Variants in MAP3K11 observed in about 807,000 individuals in gnomAD.
MAP3K11 encodes SH3 domain-containing proline-rich kinase.
MAP3K11 carries 46 observed loss-of-function variants against 84.9 expected under a neutral mutation model. That is an observed-to-expected ratio of 0.54 (90% confidence interval 0.43 to 0.69). The LOEUF (loss-of-function observed/expected upper bound fraction) is 0.69. Among genes scored for constraint, MAP3K11 ranks in the 30% least tolerant of loss-of-function variants. The pLI is 0.00. For synonymous variants in MAP3K11, 527 were observed against 514.7 expected, an observed-to-expected ratio of 1.02 and a Z score of -0.32; for missense variants, 1,053 against 1,198.3, an observed-to-expected ratio of 0.88 and a Z score of 1.79.
At chr11:65,612,828 G>T in intron 1 of MAP3K11, 190 bp downstream of exon 1, 1 of 514,238 alleles carries the variant, frequency 1.9e-6, no homozygotes, top group Non-Finnish European at 3.1e-6. Flanking sequence ...AGCTGGCGCA[G>T]GAAGACTCTG....
rs1590860821 is a variant in MAP3K11 at position 65,614,167 on chromosome 11, T to C, written c.-411A>G. The C allele has an allele frequency of 1.6e-5, 3 of 182,928 alleles. No individual in the cohort carries two copies. The South Asian group carries it at 4.0e-4, about 25-fold the overall frequency. The allele number at this position is 182,928 out of a possible 1,614,324, so 11.3% of individuals were successfully genotyped here. A position where few individuals can be genotyped will look rare whatever the true frequency, so the allele number is the denominator to read the frequency against. ...AGGGGGTGGAGGGAGCGTCCGCAGTTGGGCCGAGACTGCCTGTTCCTGGCC... is the reference window on the plus strand; with the variant it reads ...AGGGGGTGGAGGGAGCGTCCGCAGTCGGGCCGAGACTGCCTGTTCCTGGCC... On this transcript the variant is annotated 5_prime_UTR_variant, in exon 1 of 10. Coordinates refer to ENST00000309100, the MANE Select transcript of MAP3K11 (RefSeq NM_002419.4).
chr11:65,607,954 G>T lies in MAP3K11; in HGVS notation c.1037C>A (p.Thr346Asn), dbSNP rs141071251. 12 of 1,614,192 alleles carry T rather than the reference G, an allele frequency of 7.4e-6. No individual in the cohort carries two copies. The highest frequency in any genetic ancestry group is 9.3e-6 in the Non-Finnish European group (11 of 1,180,032). Residue 346 changes from threonine to asparagine, a missense_variant, in exon 3 of 10, where the codon ACC (threonine) becomes AAC (asparagine). Thr to Asn is a moderately conservative substitution (Grantham distance 65). Around this residue, in one of 3 missense-constraint regions of MAP3K11, gnomAD observed 310 missense variants for 464.5 expected, o/e 0.67. Transcript: ENST00000309100. The stretch of plus-strand genomic sequence containing the variant: ...AAGCTGTGCGAAGGGCTCGGGGCAG[G>T]TGGATGGGATGGGCAGTGTGAGCTT... ...VNKLTLPIPSTCPEPFAQLMA... is the reference protein window; with the variant it reads ...VNKLTLPIPSNCPEPFAQLMA...
chr11:65,605,517 G>A (rs2135368081), intron 8 of MAP3K11: 1 of 434,942 alleles, frequency 2.3e-6, no homozygotes. Context: ...CCAGGTCTGA[G>A]CAAGGGGATG....
Position 65,613,766 on chromosome 11 carries a change from C to T in MAP3K11, c.-10G>A. 1 of 1,535,414 alleles carries T rather than the reference C, an allele frequency of 6.5e-7. No individual in the cohort carries two copies. Among genetic ancestry groups the T allele is most frequent in the Non-Finnish European group, 8.7e-7 (1 of 1,144,220 alleles). The stretch of plus-strand genomic sequence containing the variant: ...TCTTCAAGGGCTCCATGGCCGGGAG[C>T]CGGCGCTGGGATGTGTGGAGGACCT... On this transcript the variant is annotated 5_prime_UTR_variant, in exon 1 of 10. Transcript: ENST00000309100.
chr11:65,598,383 C>A lies in MAP3K11; in HGVS notation c.2452G>T (p.Ala818Ser). Residue 818 changes from alanine (A) to serine (S), a missense_variant, in exon 10 of 10, where the codon GCC becomes TCC. Around this residue, in one of 3 missense-constraint regions of MAP3K11, gnomAD observed 583 missense variants for 566.6 expected, o/e 1.03. Transcript: ENST00000309100. The stretch of plus-strand genomic sequence containing the variant: ...TGGGGGCCCCCCTGGAAGGGGTTGG[C>A]AGGTGGGGAGTCCCAGAAGGGGTCT... ...DSDPFWDSPP[A>S]NPFQGGPQDC... is the part of the protein sequence containing the mutation. 6.4e-7 allele frequency: 1 copy of A among 1,558,094 alleles called. No homozygotes were observed. The highest frequency in any genetic ancestry group is 8.7e-7 in the Non-Finnish European group (1 of 1,148,374).
Position 65,613,934 on chromosome 11 carries a change from G to A in MAP3K11, c.-178C>T. ...GTTGTCTCCCGGCCCCCCGCATCTC[G>A]GGCTTCTGGAGGAGGGCACCCAGGG... On this transcript the variant is annotated 5_prime_UTR_variant, in exon 1 of 10. Coordinates refer to ENST00000309100, the MANE Select transcript of MAP3K11 (RefSeq NM_002419.4). The A allele has an allele frequency of 3.8e-6, 3 of 799,540 alleles. No individual in the cohort carries two copies. Among genetic ancestry groups the A allele is most frequent in the Non-Finnish European group, 1.9e-6 (1 of 527,788 alleles). The allele number at this position is 799,540 out of a possible 1,614,324, so 49.5% of individuals were successfully genotyped here. A position where few individuals can be genotyped will look rare whatever the true frequency, so the allele number is the denominator to read the frequency against.
rs1046931805 is a variant in MAP3K11, at chr11:65,607,914, C to T, written c.1069+8G>A. ...TCTGTACCTCACCTGCCCTCCCCGT[C>T]CTCTTACCGGCCATAAGCTGTGCGA... is the stretch of plus-strand genomic sequence containing the variant. On this transcript the variant is annotated splice_region_variant and intron_variant, in intron 3 of 9. Coordinates refer to ENST00000309100, the MANE Select transcript of MAP3K11 (RefSeq NM_002419.4). 6.2e-7 allele frequency: 1 copy of T among 1,612,960 alleles called. No homozygotes were observed. Among genetic ancestry groups the T allele is most frequent in the African/African-American group, 1.3e-5 (1 of 74,892 alleles).
rs755558681 is a variant in MAP3K11 at position 65,613,138 on chromosome 11, C to A, written c.619G>T (p.Gly207Trp). Reference sequence around the variant, plus strand: ...AGCACATGGGGAGGCACGCGCCGCCCGGCCAGAGCTCGGCTGAGGGGCCCA... The same window carrying A: ...AGCACATGGGGAGGCACGCGCCGCCAGGCCAGAGCTCGGCTGAGGGGCCCA... Reference protein sequence around the residue: ...AGGPLSRALAGRRVPPHVLVN... With the variant: ...AGGPLSRALAWRRVPPHVLVN... Residue 207 changes from glycine to tryptophan, a missense_variant, in exon 1 of 10, where the codon GGG (glycine) becomes TGG (tryptophan). Coordinates refer to ENST00000309100, the MANE Select transcript of MAP3K11 (RefSeq NM_002419.4). 6.3e-7 allele frequency: 1 copy of A among 1,590,380 alleles called. No homozygotes were observed. The highest frequency in any genetic ancestry group is 1.3e-5 in the African/African-American group (1 of 74,684).
Position 65,613,698 on chromosome 11 carries a change from C to T in MAP3K11, c.59G>A (p.Gly20Asp). The change falls in exon 1 of 10, where the codon GGC becomes GAC. Residue 20 changes from glycine to aspartate, a missense_variant. Transcript: ENST00000309100. Reference sequence around the variant, plus strand: ...TCCACCGCCCCCACCACCCCCGCTGCCACTGCCATTCCATGACCCTAGAGG... The same window carrying T: ...TCCACCGCCCCCACCACCCCCGCTGTCACTGCCATTCCATGACCCTAGAGG... The part of the protein sequence containing the change: ...KSPLGSWNGS[G>D]SGGGGGGGGG... 3 of 1,607,894 alleles carry T rather than the reference C, an allele frequency of 1.9e-6. No homozygotes were observed. The highest frequency in any genetic ancestry group is 1.8e-4 in the Middle Eastern group (1 of 5,694).
At chr11:65,608,867 C>T (rs775703369) in intron 1 of MAP3K11, 9 of 168,148 alleles carry the variant, frequency 5.4e-5, no homozygotes, top group Admixed American at 1.2e-4. Context: ...CTGCCCGCCT[C>T]GGCCTCCCAA....
rs11227238 is a variant in MAP3K11, at chr11:65,606,347, A to G, written c.1604-266T>C. On this transcript the variant is annotated intron_variant, in intron 6 of 9. Coordinates refer to ENST00000309100, the MANE Select transcript of MAP3K11 (RefSeq NM_002419.4). ...GCCTGAGTTTGATTCTGGCTCTTCC[A>G]CTTATTAACTGTGTAACAAGTTACT... 5.7e-3 allele frequency: 2,559 copies of G among 449,364 alleles called. 125 individuals carry two copies. The East Asian group carries it at 0.084, about 15-fold the overall frequency. 27.8% of individuals were successfully genotyped at this position (449,364 alleles called of 1,614,324 possible).
Position 65,613,559 on chromosome 11 carries a change from G to A in MAP3K11, c.198C>T (p.Asp66=), listed in dbSNP as rs762110211. ...CGTCCCGGGACAGCACCTCCACACG[G>A]TCACCCTTCCTCAGGGCCAGCTCAT... ...GQDELALRKG[D]RVEVLSRDAA... Residue 66 remains aspartate (D), a synonymous_variant, in exon 1 of 10, where the codon GAC becomes GAT. Coordinates refer to ENST00000309100, the MANE Select transcript of MAP3K11 (RefSeq NM_002419.4). The A allele has an allele frequency of 6.2e-7, 1 of 1,612,148 alleles. No individual in the cohort carries two copies. The highest frequency in any genetic ancestry group is 8.5e-7 in the Non-Finnish European group (1 of 1,179,288).
chr11:65,611,344 T>G (rs1383113058), intron 1 of MAP3K11: 1 of 152,112 alleles, frequency 6.6e-6, no homozygotes, highest in African/African-American at 2.4e-5. Context: ...AGGCCCCCAT[T>G]GTCCAGGAAA....
Position 65,613,022 on chromosome 11 carries a change from G to T in MAP3K11, c.735C>A (p.Asn245Lys). 6.6e-7 allele frequency: 1 copy of T among 1,522,444 alleles called. No homozygotes were observed. The highest frequency in any genetic ancestry group is 8.8e-7 in the Non-Finnish European group (1 of 1,135,464). 94.3% of individuals were successfully genotyped at this position (1,522,444 alleles called of 1,614,324 possible). A position where few individuals can be genotyped will look rare whatever the true frequency, so the allele number is the denominator to read the frequency against. ...VPVIHRDLKS[N>K]NILLLQPIES... is the part of the protein sequence containing the mutation. ...ACCATGCCCCCAGAAACTCACTGTT[G>T]TTGGACTTGAGATCACGGTGGATGA... Residue 245 changes from asparagine (N) to lysine (K), a missense_variant, in exon 1 of 10, where the codon AAC becomes AAA. Physicochemically the swap from Asn to Lys is moderately conservative, Grantham distance 94. Coordinates refer to ENST00000309100, the MANE Select transcript of MAP3K11 (RefSeq NM_002419.4).
chr11:65,607,777 G>A lies in MAP3K11; in HGVS notation c.1109C>T (p.Ala370Val), dbSNP rs759349343. The A allele has an allele frequency of 5.0e-6, 8 of 1,612,964 alleles. No individual in the cohort carries two copies. The African/African-American group carries it at 1.1e-4, about 22-fold the overall frequency. Reference sequence around the variant, plus strand: ...CGCCTCCAACTGCTGCAGGATGGAGGCGAAGTCGGGCCTGCGGTGGGGGTC... The same window carrying A: ...CGCCTCCAACTGCTGCAGGATGGAGACGAAGTCGGGCCTGCGGTGGGGGTC... ...AQDPHRRPDF[A>V]SILQQLEALE... is the part of the protein sequence containing the mutation. Residue 370 changes from alanine (A) to valine (V), a missense_variant, in exon 4 of 10, where the codon GCC becomes GTC. This residue lies in a region of MAP3K11 where 310 missense variants were observed against 464.5 expected (regional missense o/e 0.67). Coordinates refer to ENST00000309100, the MANE Select transcript of MAP3K11 (RefSeq NM_002419.4).
intron 6 of MAP3K11, 136 bp downstream of exon 6, chr11:65,606,555 G>A: frequency 3.2e-6 from 2 of 628,076 alleles, no homozygotes; most frequent in Non-Finnish European, 5.6e-6. Flanking sequence ...AGAGGTAACA[G>A]GCTAGACCTA....
rs371667653 is a variant in MAP3K11, at chr11:65,600,923, C to A, written c.1832-1155G>T. 2.0e-5 allele frequency among the ~76,000 whole-genome samples: 3 copies of A among 152,308 alleles called. No individual in the cohort carries two copies. The South Asian group carries it at 6.2e-4, about 32-fold the overall frequency. ...CTTAGCTCACAGTCCCTTCTGTCAG[C>A]CCCAACCCTTACTCAGACTCTCTGC... On this transcript the variant is annotated intron_variant, in intron 8 of 9. Transcript: ENST00000309100.
chr11:65,607,535 T>A (rs1168090587), intron 4 of MAP3K11, 22 bp from the exon 5 acceptor site: 3 of 1,553,210 alleles, frequency 1.9e-6, no homozygotes, highest in Non-Finnish European at 2.6e-6. Flanking sequence ...ACAGCGATGG[T>A]GGAGAGGTCA....
In MAP3K11 at chr11:65,606,089, G is replaced by T; in HGVS notation, c.1604-8C>A. ...CTGGCTCTGCAGGCTCCACTGCAGG[G>T]GAAACCGATGAAATCGGAGATAATC... On this transcript the variant is annotated splice_region_variant and splice_polypyrimidine_tract_variant and intron_variant, in intron 6 of 9. Transcript: ENST00000309100. 1 of 1,562,382 alleles carries T rather than the reference G, an allele frequency of 6.4e-7. No individual in the cohort carries two copies. The highest frequency in any genetic ancestry group is 8.6e-7 in the Non-Finnish European group (1 of 1,159,572).
Sources: allele counts gnomAD v4.1 joint callset (sites outside exome capture counted in the v4.1 genomes callset), GRCh38; gene constraint gnomAD v4.1.1; regional missense constraint gnomAD v4.1.1; transcripts MANE v1.5; gene names NCBI Gene and HGNC (gene_info 2026-07-23, HGNC 2026-07-21).